DGKE: variants seen among roughly 807,000 people sequenced by gnomAD.
DGKE encodes the protein diacylglycerol kinase epsilon, also known as DAG kinase epsilon.
Under a neutral mutation model 70.0 loss-of-function variants are expected in DGKE, and 53 were observed. The observed-to-expected ratio is 0.76, with a 90% CI of 0.61 to 0.95. The LOEUF is 0.95. DGKE is among the 40% of genes least tolerant of loss of function. The pLI is 0.00. For missense variants in DGKE, 655 were observed against 706.9 expected, an observed-to-expected ratio of 0.93 and a Z score of 0.83; for synonymous variants, 291 against 257.0, an observed-to-expected ratio of 1.13 and a Z score of -1.27.
Position 56,844,006 on chromosome 17 carries a change from T to C in DGKE, c.465-13T>C, listed in dbSNP as rs1329912553. The C allele has an allele frequency of 1.0e-5, 16 of 1,535,144 alleles. No homozygotes were observed. Among genetic ancestry groups the C allele is most frequent in the Non-Finnish European group, 1.4e-5 (16 of 1,149,492 alleles). The stretch of plus-strand genomic sequence containing the variant: ...TTTAAAATTAGTTAATGCTTGTTTC[T>C]TCCTTCCCTCAGGTGCATTTGGTGC... On this transcript the variant is annotated splice_polypyrimidine_tract_variant and intron_variant, in intron 2 of 11. Coordinates refer to ENST00000284061, the MANE Select transcript of DGKE (RefSeq NM_003647.3).
chr17:56,840,957 TA>T (rs1010653896), intron 2 of DGKE, among the ~76,000 whole-genome samples: 7 of 151,660 alleles, frequency 4.6e-5, no homozygotes, highest in Non-Finnish European at 5.9e-5. Context: ...CACTGTCTCT[TA>T]AAAAAAAATT....
In DGKE at chr17:56,836,179, G is replaced by C. The variant is rs141064876; in HGVS notation, c.464+920G>C. 1.3e-3 allele frequency: 191 copies of C among 147,654 alleles called. 2 individuals are homozygous for C. Among genetic ancestry groups the C allele is most frequent in the African/African-American group, 4.6e-3 (182 of 39,992 alleles). 9.1% of individuals were successfully genotyped at this position (147,654 alleles called of 1,614,324 possible). ...TAAACATGCTTAAGAAATGAAATAG[G>C]CAGTAAATAGGAAGCTGCTTTTTAA... On this transcript the variant is annotated intron_variant, in intron 2 of 11. Coordinates refer to ENST00000284061, the MANE Select transcript of DGKE (RefSeq NM_003647.3).
chr17:56,835,167 C>T lies in DGKE; in HGVS notation c.372C>T (p.Pro124=), dbSNP rs878925112. The T allele has an allele frequency of 3.1e-6, 5 of 1,614,006 alleles. No homozygotes were observed. Among genetic ancestry groups the T allele is most frequent in the Middle Eastern group, 1.6e-4 (1 of 6,084 alleles). The change falls in exon 2 of 12, where the codon CCC becomes CCT. Residue 124 remains proline, a synonymous_variant. Transcript: ENST00000284061. ...ACACCAAGGTCCTGGACGCCATGCC[C>T]CACCACTGGATCCGGGGCAACGTGC... The part of the protein sequence containing the change: ...KNDTKVLDAM[P]HHWIRGNVPL...
intron 10 of DGKE, 49 bp from the exon 11 acceptor site, chr17:56,862,091 T>A: frequency 6.3e-7 from 1 of 1,596,192 alleles, no homozygotes; most frequent in South Asian, 1.1e-5. Context: ...CTAGCATAAC[T>A]GATTTTTTAT....
intron 7 of DGKE, among the ~76,000 whole-genome samples, chr17:56,849,644 G>A (rs1465460578): frequency 6.6e-6 from 1 of 152,164 alleles, no homozygotes; most frequent in Non-Finnish European, 1.5e-5. Flanking sequence ...ATCAGGATGA[G>A]GACAATGCAA....
rs757482556 is a variant in DGKE, at chr17:56,835,104, C to G, written c.309C>G (p.Asp103Glu). The G allele has an allele frequency of 4.3e-6, 7 of 1,613,910 alleles. No homozygotes were observed. In the East Asian group the frequency reaches 1.3e-4, roughly 31 times the overall value. The change falls in exon 2 of 12, where the codon GAC becomes GAG. Residue 103 changes from aspartate to glutamate, a missense_variant. Coordinates refer to ENST00000284061, the MANE Select transcript of DGKE (RefSeq NM_003647.3). ...RVDEGCLRKA[D>E]KRFQCKEIML... ...ACGAGGGCTGCCTCAGGAAGGCCGA[C>G]AAGCGCTTCCAGTGCAAGGAGATTA...
rs571251840 is a variant in DGKE at position 56,866,494 on chromosome 17, T to C, written c.*3703T>C. 1 of 152,270 alleles carries C rather than the reference T, an allele frequency of 6.6e-6. No homozygotes were observed. Among genetic ancestry groups the C allele is most frequent in the Non-Finnish European group, 1.5e-5 (1 of 68,044 alleles). The allele number at this position is 152,270 out of a possible 1,614,324, so 9.4% of individuals were successfully genotyped here. A position where few individuals can be genotyped will look rare whatever the true frequency, so the allele number is the denominator to read the frequency against. ...TGTATGTTCTTAAAATTGTTTTTCTTCTACTCCGCTGTCCTCTTCCCTCAA... is the reference window on the plus strand; with the variant it reads ...TGTATGTTCTTAAAATTGTTTTTCTCCTACTCCGCTGTCCTCTTCCCTCAA... On this transcript the variant is annotated 3_prime_UTR_variant, in exon 12 of 12. Transcript: ENST00000284061.
chr17:56,852,884 A>G (rs1216646273), intron 7 of DGKE, among the ~76,000 whole-genome samples: 7 of 152,196 alleles, frequency 4.6e-5, no homozygotes, highest in Non-Finnish European at 1.5e-5. Context: ...GAAGTATTTC[A>G]GATTTCTGAT....
intron 4 of DGKE, chr17:56,847,334 A>G (rs1210706527): frequency 1.1e-5 from 1 of 91,550 alleles, no homozygotes; most frequent in African/African-American, 4.2e-5. Flanking sequence ...TAGATAAACT[A>G]TAACTTTTTT....
chr17:56,846,753 T>C (rs1005943706), intron 4 of DGKE, among the ~76,000 whole-genome samples: 6 of 152,168 alleles, frequency 3.9e-5, no homozygotes, highest in African/African-American at 1.4e-4. Flanking sequence ...TTAAGAAAAT[T>C]ATAAAAAATA....
chr17:56,840,708 C>G (rs900883623), intron 2 of DGKE, among the ~76,000 whole-genome samples: 5 of 152,144 alleles, frequency 3.3e-5, no homozygotes, highest in Non-Finnish European at 7.3e-5. Context: ...CCGACACTTC[C>G]ATGAGATTCT....
At chr17:56,851,089 G>A (rs1349208312) in intron 7 of DGKE, among the ~76,000 whole-genome samples, 1 of 152,066 alleles carries the variant, frequency 6.6e-6, no homozygotes, top group South Asian at 2.1e-4. Context: ...ATACTCTGGA[G>A]ATAATGTGAA....
At chr17:56,840,697 C>G (rs1399356004) in intron 2 of DGKE, among the ~76,000 whole-genome samples, 1 of 152,124 alleles carries the variant, frequency 6.6e-6, no homozygotes, top group African/African-American at 2.4e-5. Context: ...GATGGAAAAG[C>G]CCGACACTTC....
intron 9 of DGKE, 30 bp downstream of exon 9, chr17:56,858,695 A>G: frequency 6.7e-7 from 1 of 1,488,134 alleles, no homozygotes; most frequent in Non-Finnish European, 9.2e-7. Context: ...TATTTTTTAA[A>G]GTTTTAGGTG....
Position 56,844,040 on chromosome 17 carries a change from A to T in DGKE, c.486A>T (p.Thr162=). The T allele has an allele frequency of 1.3e-6, 2 of 1,550,738 alleles. No individual in the cohort carries two copies. Among genetic ancestry groups the T allele is most frequent in the South Asian group, 2.5e-5 (2 of 80,178 alleles). Residue 162 remains threonine (T), a synonymous_variant, in exon 3 of 12, where the codon ACA becomes ACT. Coordinates refer to ENST00000284061, the MANE Select transcript of DGKE (RefSeq NM_003647.3). ...TCAGGTGCATTTGGTGCCAGAAAAC[A>T]GTACATGATGAGTGCATGAAAAATA... ...CDYRCIWCQK[T]VHDECMKNSL...
chr17:56,862,195 C>G lies in DGKE; in HGVS notation c.1468C>G (p.Gln490Glu), dbSNP rs1432755986. Residue 490 changes from glutamine (Q) to glutamate (E), a missense_variant, in exon 11 of 12, where the codon CAG becomes GAG. Physicochemically the swap from Gln to Glu is conservative, Grantham distance 29. Coordinates refer to ENST00000284061, the MANE Select transcript of DGKE (RefSeq NM_003647.3). ...VGVYGSFHCA[Q>E]IQVKLANPFR... Reference sequence around the variant, plus strand: ...AGTATATGGGTCTTTCCACTGTGCTCAGATTCAAGTAAAACTGGCTAATCC... The same window carrying G: ...AGTATATGGGTCTTTCCACTGTGCTGAGATTCAAGTAAAACTGGCTAATCC... 2.2e-5 allele frequency: 35 copies of G among 1,614,158 alleles called. No individual in the cohort carries two copies. The highest frequency in any genetic ancestry group is 1.6e-4 in the Middle Eastern group (1 of 6,062).
intron 4 of DGKE, among the ~76,000 whole-genome samples, chr17:56,846,646 C>CA (rs1323040050): frequency 2.1e-4 from 19 of 92,058 alleles, no homozygotes; most frequent in African/African-American, 5.6e-4. Flanking sequence ...CAAAAAAATA[C>CA]AAAAAAATTT....
chr17:56,835,351 G>C lies in DGKE; in HGVS notation c.464+92G>C, dbSNP rs755487226. On this transcript the variant is annotated intron_variant, in intron 2 of 11. Coordinates refer to ENST00000284061, the MANE Select transcript of DGKE (RefSeq NM_003647.3). ...GTAGAGGCCTGCTTTAATCTCTGCT[G>C]ATGACCTAAACTCATTTTGAGGAAA... 15 of 1,311,182 alleles carry C rather than the reference G, an allele frequency of 1.1e-5. No homozygotes were observed. The South Asian group carries it at 1.3e-4, about 11-fold the overall frequency. The allele number at this position is 1,311,182 out of a possible 1,614,324, so 81.2% of individuals were successfully genotyped here. A position where few individuals can be genotyped will look rare whatever the true frequency, so the allele number is the denominator to read the frequency against.
At chr17:56,841,210 C>T (rs1308696968) in intron 2 of DGKE, among the ~76,000 whole-genome samples, 2 of 149,342 alleles carry the variant, frequency 1.3e-5, no homozygotes, top group Non-Finnish European at 3.0e-5. Flanking sequence ...GAGATTGCAC[C>T]ACTGCACTCC....
Sources: gnomAD v4.1 joint callset for allele counts (sites outside exome capture counted in the v4.1 genomes callset) on GRCh38, gnomAD v4.1.1 for gene constraint, MANE v1.5 for transcripts, NCBI Gene and HGNC (gene_info 2026-07-23, HGNC 2026-07-21) for gene names.